The following LYPD6B variants were observed in gnomAD, a reference collection of about 807,000 sequenced individuals.
LYPD6B encodes the protein LY6/PLAUR domain containing 6B, also known as ly6/PLAUR domain-containing protein 6B.
In LYPD6B, 17 loss-of-function variants were observed where a neutral mutation model predicts 22.8. The observed-to-expected ratio is 0.75, with a 90% CI of 0.51 to 1.12. LYPD6B has a LOEUF of 1.12. Among genes scored for constraint, LYPD6B ranks in the 50% most tolerant of loss-of-function variants. The pLI is 0.00. For missense variants in LYPD6B, 221 were observed against 258.3 expected (o/e 0.86, Z 0.99); for synonymous variants, 106 against 91.6 (o/e 1.16, Z -0.90).
intron 1 of LYPD6B, among the ~76,000 whole-genome samples, chr2:149,073,205 T>G (rs941585432): frequency 2.0e-5 from 3 of 152,188 alleles, no homozygotes; most frequent in Non-Finnish European, 4.4e-5. Flanking sequence ...CCTGTGCAGT[T>G]GTAGCTTCTC....
At chr2:149,129,135 A>G (rs768946408) in intron 1 of LYPD6B, among the ~76,000 whole-genome samples, 1 of 152,224 alleles carries the variant, frequency 6.6e-6, no homozygotes, top group Non-Finnish European at 1.5e-5. Flanking sequence ...CATCCTTTAA[A>G]CAGAAAAAGG....
chr2:149,072,122 G>C (rs1684633562), intron 1 of LYPD6B, among the ~76,000 whole-genome samples: 1 of 152,208 alleles, frequency 6.6e-6, no homozygotes. Flanking sequence ...GGTAGAGACA[G>C]AGTTTTGCCA....
In LYPD6B at chr2:149,214,732, C is replaced by G; in HGVS notation, c.*22C>G. On this transcript the variant is annotated 3_prime_UTR_variant, in exon 7 of 7. Transcript: ENST00000409642. Reference sequence around the variant, plus strand: ...GTGATGCCACCATTCCTAGGAGAGGCAGAGACCAGCCTCTAAAGCACAAGC... The same window carrying G: ...GTGATGCCACCATTCCTAGGAGAGGGAGAGACCAGCCTCTAAAGCACAAGC... 10 of 1,613,016 alleles carry G rather than the reference C, an allele frequency of 6.2e-6. No homozygotes were observed. Among genetic ancestry groups the G allele is most frequent in the Non-Finnish European group, 8.5e-6 (10 of 1,179,170 alleles).
At chr2:149,053,085 C>T (rs989908200) in intron 1 of LYPD6B, among the ~76,000 whole-genome samples, 5 of 152,034 alleles carry the variant, frequency 3.3e-5, no homozygotes, top group African/African-American at 7.3e-5. Flanking sequence ...TTTAAATATT[C>T]GCATGTGTCT....
chr2:149,102,561 G>A (rs892125354), intron 1 of LYPD6B, among the ~76,000 whole-genome samples: 1 of 152,142 alleles, frequency 6.6e-6, no homozygotes, highest in African/African-American at 2.4e-5. Context: ...GATGTAGGAG[G>A]GAGGGCAGCT....
intron 1 of LYPD6B, among the ~76,000 whole-genome samples, chr2:149,113,555 C>A (rs898073000): frequency 3.3e-5 from 5 of 152,016 alleles, no homozygotes; most frequent in Non-Finnish European, 5.9e-5. Flanking sequence ...CCAGGGGGAA[C>A]AATATTAAGT....
intron 2 of LYPD6B, among the ~76,000 whole-genome samples, chr2:149,147,569 A>C (rs918038270): frequency 6.6e-6 from 1 of 152,136 alleles, no homozygotes; most frequent in Admixed American, 6.6e-5. Context: ...GCTGGAGTGC[A>C]GTGGCACAGT....
intron 1 of LYPD6B, among the ~76,000 whole-genome samples, chr2:149,120,383 AT>A (rs869074241): frequency 8.2e-4 from 40 of 48,612 alleles, no homozygotes; most frequent in African/African-American, 3.8e-3. Flanking sequence ...ATATATATAT[AT>A]TTTTTTTTTT....
chr2:149,161,968 C>T (rs991826843), intron 3 of LYPD6B, among the ~76,000 whole-genome samples: 14 of 152,164 alleles, frequency 9.2e-5, no homozygotes, highest in Admixed American at 5.9e-4. Context: ...CTCTTTTCCC[C>T]GGGGCATATT....
chr2:149,083,957 C>CA (rs34003691), intron 1 of LYPD6B, among the ~76,000 whole-genome samples: 66,877 of 150,628 alleles, frequency 0.44, 15,101 homozygotes, highest in Non-Finnish European at 0.46. Flanking sequence ...ACAAAACAAA[C>CA]AAAAAAAAAC....
chr2:149,122,931 A>G (rs1324343937), intron 1 of LYPD6B, among the ~76,000 whole-genome samples: 1 of 152,162 alleles, frequency 6.6e-6, no homozygotes, highest in African/African-American at 2.4e-5. Flanking sequence ...CTGCATCTAC[A>G]TTAGGTTTGT....
intron 1 of LYPD6B, among the ~76,000 whole-genome samples, chr2:149,046,449 G>A (rs1410949887): frequency 6.6e-6 from 1 of 151,634 alleles, no homozygotes; most frequent in African/African-American, 2.4e-5. Context: ...CTTGCTAGTT[G>A]TTTTCTATTT....
At chr2:149,089,520 C>A (rs998694197) in intron 1 of LYPD6B, among the ~76,000 whole-genome samples, 1 of 152,118 alleles carries the variant, frequency 6.6e-6, no homozygotes, top group Admixed American at 6.5e-5. Flanking sequence ...ACAAAAGAAT[C>A]TGTAAAATAG....
intron 3 of LYPD6B, among the ~76,000 whole-genome samples, chr2:149,198,629 G>A (rs187486955): frequency 2.0e-5 from 3 of 152,270 alleles, no homozygotes; most frequent in Non-Finnish European, 2.9e-5. Flanking sequence ...TAACATCAGT[G>A]CTGCTTTAGA....
At chr2:149,184,319 C>T (rs1691953935) in intron 3 of LYPD6B, among the ~76,000 whole-genome samples, 1 of 152,138 alleles carries the variant, frequency 6.6e-6, no homozygotes, top group African/African-American at 2.4e-5. Context: ...TGTAAGGAAG[C>T]CAAGGACATG....
chr2:149,115,736 C>A (rs982263379), intron 1 of LYPD6B, among the ~76,000 whole-genome samples: 11 of 152,208 alleles, frequency 7.2e-5, no homozygotes, highest in African/African-American at 2.7e-4. Context: ...TTTGAGGAAG[C>A]AAGAAATAGA....
intron 1 of LYPD6B, among the ~76,000 whole-genome samples, chr2:149,105,710 C>G (rs1451370366): frequency 2.0e-5 from 3 of 151,932 alleles, no homozygotes; most frequent in African/African-American, 7.3e-5. Flanking sequence ...TTTGATGCTT[C>G]CATCAGATTT....
intron 1 of LYPD6B, among the ~76,000 whole-genome samples, chr2:149,041,623 G>A (rs1683093792): frequency 6.6e-6 from 1 of 152,140 alleles, no homozygotes; most frequent in African/African-American, 2.4e-5. Flanking sequence ...GGGCTGTTAG[G>A]TAGGCAACAA....
intron 1 of LYPD6B, among the ~76,000 whole-genome samples, chr2:149,082,068 T>C (rs1685160724): frequency 1.3e-5 from 2 of 152,220 alleles, no homozygotes; most frequent in African/African-American, 2.4e-5. Context: ...ATGTTGCTGC[T>C]CTCACAGATT....
Sources: allele counts gnomAD v4.1 joint callset (sites outside exome capture counted in the v4.1 genomes callset), GRCh38; gene constraint gnomAD v4.1.1; transcripts MANE v1.5; gene names NCBI Gene and HGNC (gene_info 2026-07-23, HGNC 2026-07-21).